The following EXTL1 variants were observed in gnomAD, a reference collection of about 807,000 sequenced individuals.
EXTL1 encodes the protein exostosin-like 1.
A neutral mutation model predicts 64.6 loss-of-function variants in EXTL1; 43 were observed. The observed-to-expected ratio is 0.67, with a 90% CI of 0.52 to 0.86. EXTL1 has a LOEUF of 0.86. Among genes scored for constraint, EXTL1 ranks in the 40% least tolerant of loss-of-function variants. The probability of loss-of-function intolerance (pLI) is 0.00; values close to 1 mark genes in which losing one functional copy is unlikely to be tolerated. For missense variants in EXTL1, 766 were observed against 879.0 expected, an observed-to-expected ratio of 0.87 and a Z score of 1.62; for synonymous variants, 352 against 360.5, an observed-to-expected ratio of 0.98 and a Z score of 0.27.
rs1354484496 is a variant in EXTL1 at position 26,034,231 on chromosome 1, G to A, written c.1679+375G>A. ...TGCTTTATGAATGTGGATGTTATGA[G>A]TTGGGGAACATCCCAGACCTTCCAG... On this transcript the variant is annotated intron_variant, in intron 9 of 10. Coordinates refer to ENST00000374280, the MANE Select transcript of EXTL1 (RefSeq NM_004455.3). This position sits in a 1 kb window ranked among gnomAD's most constrained non-coding sequence, Gnocchi z 4.6. Among the ~76,000 whole-genome samples the A allele has an allele frequency of 2.0e-5, 3 of 152,230 alleles. No individual in the cohort carries two copies. Among genetic ancestry groups the A allele is most frequent in the Non-Finnish European group, 4.4e-5 (3 of 68,034 alleles).
At chr1:26,029,506 C>G in intron 2 of EXTL1, 94 bp from the exon 3 acceptor site, 1 of 778,026 alleles carries the variant, frequency 1.3e-6, no homozygotes, top group Non-Finnish European at 2.2e-6. Flanking sequence ...TTGCCCCTTG[C>G]CCCCAACAGC....
Position 26,029,253 on chromosome 1 carries a change from C to A in EXTL1, c.840C>A (p.Pro280=). The A allele has an allele frequency of 1.9e-6, 3 of 1,613,868 alleles. No individual in the cohort carries two copies. Among genetic ancestry groups the A allele is most frequent in the Non-Finnish European group, 2.5e-6 (3 of 1,179,896 alleles). The change falls in exon 2 of 11, where the codon CCC becomes CCA. Residue 280 remains proline, a synonymous_variant. Coordinates refer to ENST00000374280, the MANE Select transcript of EXTL1 (RefSeq NM_004455.3). ...ATFCLISGHR[P]EAASRFLQAL... ...TCTGCCTCATCTCTGGCCACCGTCC[C>A]GAGGCTGCCTCGCGCTTCCTCCAAG...
chr1:26,029,780 G>A (rs1281847919), intron 3 of EXTL1, 73 bp downstream of exon 3: 7 of 997,116 alleles, frequency 7.0e-6, no homozygotes, highest in African/African-American at 1.6e-5. Flanking sequence ...CCTGGATCGA[G>A]GCTGGCCTCA....
chr1:26,022,859 T>A lies in EXTL1; in HGVS notation c.213T>A (p.Pro71=). ...AGCTCCCAGAAGATGCCGTTTCACC[T>A]CCTCAAGCCCCTCATGGTGGCAGCT... The part of the protein sequence containing the change: ...PGELPEDAVS[P]PQAPHGGSCN... Residue 71 remains proline (P), a synonymous_variant, in exon 1 of 11, where the codon CCT becomes CCA. Transcript: ENST00000374280. 1 of 1,614,004 alleles carries A rather than the reference T, an allele frequency of 6.2e-7. No homozygotes were observed. Among genetic ancestry groups the A allele is most frequent in the Non-Finnish European group, 8.5e-7 (1 of 1,179,962 alleles).
chr1:26,031,678 G>A (rs910036979), intron 6 of EXTL1, 112 bp downstream of exon 6: 8 of 540,334 alleles, frequency 1.5e-5, no homozygotes, highest in East Asian at 6.8e-5. Flanking sequence ...GGGGAGGCAC[G>A]GGGAAGATTT....
In EXTL1 at chr1:26,030,563, T is replaced by G; in HGVS notation, c.1069T>G (p.Ser357Ala). 1 of 1,613,502 alleles carries G rather than the reference T, an allele frequency of 6.2e-7. No individual in the cohort carries two copies. The highest frequency in any genetic ancestry group is 8.5e-7 in the Non-Finnish European group (1 of 1,179,662). The change falls in exon 4 of 11, where the codon TCA (serine) becomes GCA (alanine). Residue 357 changes from serine to alanine, a missense_variant. Physicochemically the swap from Ser to Ala is moderately conservative, Grantham distance 99. Around this residue, in one of 3 missense-constraint regions of EXTL1, gnomAD observed 571 missense variants for 647.6 expected, o/e 0.88. Coordinates refer to ENST00000374280, the MANE Select transcript of EXTL1 (RefSeq NM_004455.3). ...GTTTCTATGGGATGCCTACTTCTCC[T>G]CAGTGGAGAAGGTCATCCATACCAC... ...TQFLWDAYFSSVEKVIHTTLE... is the reference protein window; with the variant it reads ...TQFLWDAYFSAVEKVIHTTLE...
intron 6 of EXTL1, chr1:26,032,002 CAGCCAG>C: frequency 4.5e-6 from 1 of 223,882 alleles, no homozygotes. Context: ...GCAGTTAGCT[CAGCCAG>C]GGTGCACACA....
chr1:26,033,339 C>A lies in EXTL1; in HGVS notation c.1518+24C>A. ...AGGTGAGGGCTGGGCCCAAGAGAAG[C>A]CCAGTGTGGGTAGACACAGAGCCAG... On this transcript the variant is annotated intron_variant, in intron 8 of 10. Transcript: ENST00000374280. This position sits in a 1 kb window ranked among gnomAD's most constrained non-coding sequence, Gnocchi z 5.1. 6.3e-7 allele frequency: 1 copy of A among 1,598,758 alleles called. No individual in the cohort carries two copies. Among genetic ancestry groups the A allele is most frequent in the Non-Finnish European group, 8.6e-7 (1 of 1,166,258 alleles).
In EXTL1 at chr1:26,035,490, A is replaced by G. The variant is rs2050330246; in HGVS notation, c.*143A>G. 1.4e-6 allele frequency: 1 copy of G among 705,462 alleles called. No homozygotes were observed. The highest frequency in any genetic ancestry group is 2.3e-6 in the Non-Finnish European group (1 of 433,186). 43.7% of individuals were successfully genotyped at this position (705,462 alleles called of 1,614,324 possible). A position where few individuals can be genotyped will look rare whatever the true frequency, so the allele number is the denominator to read the frequency against. ...CCACACGTCGGACCCCGGTTGGCCAATCACAACAGGGGGGCGTGGCCTTAC... is the reference window on the plus strand; with the variant it reads ...CCACACGTCGGACCCCGGTTGGCCAGTCACAACAGGGGGGCGTGGCCTTAC... On this transcript the variant is annotated 3_prime_UTR_variant, in exon 11 of 11. Transcript: ENST00000374280. The surrounding 1 kb of genome is among the most constrained non-coding windows in gnomAD (Gnocchi z 5.3).
chr1:26,034,953 G>T lies in EXTL1; in HGVS notation c.1797G>T (p.Leu599=). 2 of 1,614,212 alleles carry T rather than the reference G, an allele frequency of 1.2e-6. No individual in the cohort carries two copies. The part of the protein sequence containing the change: ...MNFIVAAVTK[L]PPIKVPYGKQ... ...TCATAGTAGCAGCAGTCACCAAGCT[G>T]CCCCCTATCAAGGTGCCCTATGGCA... The change falls in exon 10 of 11, where the codon CTG becomes CTT. Residue 599 remains leucine, a synonymous_variant. Coordinates refer to ENST00000374280, the MANE Select transcript of EXTL1 (RefSeq NM_004455.3). This position sits in a 1 kb window ranked among gnomAD's most constrained non-coding sequence, Gnocchi z 4.6.
In EXTL1 at chr1:26,036,084, G is replaced by T. The variant is rs981650227; in HGVS notation, c.*737G>T. On this transcript the variant is annotated 3_prime_UTR_variant, in exon 11 of 11. Coordinates refer to ENST00000374280, the MANE Select transcript of EXTL1 (RefSeq NM_004455.3). The surrounding 1 kb of genome is among the most constrained non-coding windows in gnomAD (Gnocchi z 5.2). ...GGAACAAGTGGCCTGTCCCCGCACGGCCCGCGGCTCAGCCTCGGCCGTCTG... is the reference window on the plus strand; with the variant it reads ...GGAACAAGTGGCCTGTCCCCGCACGTCCCGCGGCTCAGCCTCGGCCGTCTG... 6.6e-5 allele frequency: 10 copies of T among 152,664 alleles called. No homozygotes were observed. The highest frequency in any genetic ancestry group is 2.4e-4 in the African/African-American group (10 of 41,458). The allele number at this position is 152,664 out of a possible 1,614,324, so 9.5% of individuals were successfully genotyped here.
rs1170900266 is a variant in EXTL1 at position 26,033,252 on chromosome 1, T to C, written c.1455T>C (p.Tyr485=). ...HRKVSDRFYP[Y]STIRTDAILS... ...AGGTTAGTGATCGCTTCTACCCATA[T>C]AGCACCATCAGAACAGATGCCATCC... is the stretch of plus-strand genomic sequence containing the variant. The change falls in exon 8 of 11, where the codon TAT becomes TAC. Residue 485 remains tyrosine, a synonymous_variant. Transcript: ENST00000374280. This position sits in a 1 kb window ranked among gnomAD's most constrained non-coding sequence, Gnocchi z 5.1. The C allele has an allele frequency of 6.2e-7, 1 of 1,613,926 alleles. No homozygotes were observed. Among genetic ancestry groups the C allele is most frequent in the African/African-American group, 1.3e-5 (1 of 75,036 alleles).
At chr1:26,027,288 T>C (rs546834573) in intron 1 of EXTL1, among the ~76,000 whole-genome samples, 10 of 152,208 alleles carry the variant, frequency 6.6e-5, no homozygotes, top group Non-Finnish European at 1.2e-4. Context: ...AAGAGCTGTG[T>C]GACCTCTTTG....
At chr1:26,027,580 G>C (rs772067398) in intron 1 of EXTL1, among the ~76,000 whole-genome samples, 5 of 151,684 alleles carry the variant, frequency 3.3e-5, no homozygotes, top group Non-Finnish European at 5.9e-5. Context: ...AGAAGGCCAG[G>C]TGTGGTGGCT....
chr1:26,029,422 G>A (rs2050256086), intron 2 of EXTL1, 136 bp downstream of exon 2: 1 of 775,892 alleles, frequency 1.3e-6, no homozygotes, highest in African/African-American at 1.7e-5. Context: ...GCATGCCTGT[G>A]TCCCCATTCA....
chr1:26,030,350 T>TG, intron 3 of EXTL1, 126 bp from the exon 4 acceptor site: 68 of 556,980 alleles, frequency 1.2e-4, no homozygotes, highest in Middle Eastern at 6.0e-4. Flanking sequence ...TTTTTTTTTT[T>TG]GAGATAGGAT....
intron 1 of EXTL1, among the ~76,000 whole-genome samples, chr1:26,024,326 G>C (rs1254410257): frequency 6.6e-6 from 1 of 152,084 alleles, no homozygotes; most frequent in Non-Finnish European, 1.5e-5. Flanking sequence ...GGTGGCAGAG[G>C]GTTCCTTCTG....
intron 1 of EXTL1, among the ~76,000 whole-genome samples, chr1:26,027,756 G>A (rs2050234848): frequency 6.6e-6 from 1 of 150,646 alleles, no homozygotes; most frequent in African/African-American, 2.4e-5. Context: ...TGAGGCAGGA[G>A]AATTGCTTGA....
Position 26,022,495 on chromosome 1 carries a change from TG to T in EXTL1, c.-150del. 1 of 638,748 alleles carries T rather than the reference TG, an allele frequency of 1.6e-6. No homozygotes were observed. The highest frequency in any genetic ancestry group is 2.7e-6 in the Non-Finnish European group (1 of 367,962). The allele number at this position is 638,748 out of a possible 1,614,324, so 39.6% of individuals were successfully genotyped here. Reference sequence around the variant, plus strand: ...ACTATCTGACCTTAGACAGGCGGCCTGGTCTCGATGGGCCTCAGTCTTCCCA... The same window carrying T: ...ACTATCTGACCTTAGACAGGCGGCCTGTCTCGATGGGCCTCAGTCTTCCCA... On this transcript the variant is annotated 5_prime_UTR_variant, in exon 1 of 11. The change abolishes the stop of an existing upstream ORF in the 5' untranslated region. Coordinates refer to ENST00000374280, the MANE Select transcript of EXTL1 (RefSeq NM_004455.3).
Sources: allele counts gnomAD v4.1 joint callset (sites outside exome capture counted in the v4.1 genomes callset), GRCh38; gene constraint gnomAD v4.1.1; regional missense constraint gnomAD v4.1.1; non-coding constraint Gnocchi (gnomAD v3.1); transcripts MANE v1.5; gene names NCBI Gene and HGNC (gene_info 2026-07-23, HGNC 2026-07-21).